CNTLN: variants seen among roughly 807,000 people sequenced by gnomAD.
The protein encoded by CNTLN is centlein, centrosomal protein.
In CNTLN, 212 loss-of-function variants were observed where a neutral mutation model predicts 180.0. The ratio of observed to expected loss-of-function variants is 1.18; its 90% CI spans 1.05 to 1.32. The LOEUF (loss-of-function observed/expected upper bound fraction) is 1.32, where lower values mean the gene tolerates loss of function less well. Among genes scored for constraint, CNTLN ranks in the 40% most tolerant of loss-of-function variants. The pLI, the probability that CNTLN is intolerant of heterozygous loss-of-function variation, is 0.00. For missense variants in CNTLN, 2,095 were observed against 1,610.9 expected, an observed-to-expected ratio of 1.30 and a Z score of -5.14; for synonymous variants, 722 against 563.1, an observed-to-expected ratio of 1.28 and a Z score of -3.99.
At chr9:17,149,217 T>C (rs932179963) in intron 2 of CNTLN, among the ~76,000 whole-genome samples, 2 of 152,210 alleles carry the variant, frequency 1.3e-5, no homozygotes, top group Non-Finnish European at 2.9e-5. Context: ...CAGTCTATCA[T>C]TGATGGACAT....
chr9:17,387,714 A>T (rs188940806), intron 13 of CNTLN, among the ~76,000 whole-genome samples: 1 of 152,222 alleles, frequency 6.6e-6, no homozygotes. Flanking sequence ...GGGTTGTTAC[A>T]ATTTCAATCC....
intron 15 of CNTLN, among the ~76,000 whole-genome samples, chr9:17,403,233 A>T (rs1373505345): frequency 1.3e-5 from 2 of 151,626 alleles, no homozygotes; most frequent in Non-Finnish European, 2.9e-5. Flanking sequence ...TGCCTATTTC[A>T]CAGCTATCTG....
intron 18 of CNTLN, among the ~76,000 whole-genome samples, chr9:17,423,272 A>G (rs78976813): frequency 0.03 from 4,625 of 152,234 alleles, 227 homozygotes; most frequent in African/African-American, 0.11. Flanking sequence ...TCAGCAGGTA[A>G]TGAATCGTGC....
At chr9:17,399,866 A>C (rs1279099790) in intron 15 of CNTLN, among the ~76,000 whole-genome samples, 1 of 152,186 alleles carries the variant, frequency 6.6e-6, no homozygotes, top group Non-Finnish European at 1.5e-5. Flanking sequence ...ATGAACAGCC[A>C]CACTAAGTGT....
downstream of CNTLN, among the ~76,000 whole-genome samples, chr9:17,506,821 T>G (rs1833940869): frequency 6.6e-6 from 1 of 152,132 alleles, no homozygotes. Context: ...GCAGAAGAGT[T>G]GCTATTTTTT....
intron 2 of CNTLN, among the ~76,000 whole-genome samples, chr9:17,200,159 G>A (rs577722850): frequency 1.2e-4 from 18 of 152,216 alleles, no homozygotes; most frequent in African/African-American, 4.3e-4. Context: ...GATGTGTGAT[G>A]TTACTTCTGA....
At chr9:17,474,372 G>A (rs1307130692) in intron 23 of CNTLN, among the ~76,000 whole-genome samples, 1 of 151,786 alleles carries the variant, frequency 6.6e-6, no homozygotes, top group African/African-American at 2.4e-5. Context: ...AATCATCTTC[G>A]GCTCTTCCCT....
chr9:17,189,693 G>C (rs1159496254), intron 2 of CNTLN, among the ~76,000 whole-genome samples: 2 of 151,378 alleles, frequency 1.3e-5, no homozygotes, highest in Non-Finnish European at 2.9e-5. Context: ...CCCTATGTTG[G>C]CCAGGCTGGT....
the CNTLN span, among the ~76,000 whole-genome samples, chr9:17,526,274 C>T: frequency 6.6e-6 from 1 of 151,822 alleles, no homozygotes; most frequent in Admixed American, 6.6e-5. Context: ...CTCAAAATAG[C>T]CAAAATGATT....
At chr9:17,458,092 G>A (rs1032082330) in intron 19 of CNTLN, among the ~76,000 whole-genome samples, 2 of 151,842 alleles carry the variant, frequency 1.3e-5, no homozygotes, top group African/African-American at 4.8e-5. Context: ...AGTTAAACTT[G>A]AGAATGAAAC....
chr9:17,395,391 C>T (rs1311442893), intron 15 of CNTLN, among the ~76,000 whole-genome samples: 1 of 152,102 alleles, frequency 6.6e-6, no homozygotes, highest in Non-Finnish European at 1.5e-5. Context: ...TCTGCTGGCC[C>T]TTTGCATATT....
intron 5 of CNTLN, among the ~76,000 whole-genome samples, chr9:17,268,458 G>C (rs910579853): frequency 1.3e-5 from 2 of 152,166 alleles, no homozygotes; most frequent in Admixed American, 1.3e-4. Context: ...CTACTGGGGG[G>C]TGCCTCCCAG....
intron 13 of CNTLN, among the ~76,000 whole-genome samples, chr9:17,377,584 C>A (rs535000374): frequency 6.6e-6 from 1 of 152,174 alleles, no homozygotes; most frequent in East Asian, 1.9e-4. Context: ...AAACAAAAAA[C>A]AAGCATTTTT....
Position 17,402,011 on chromosome 9 carries a change from T to G in CNTLN, c.2615+6942T>G, listed in dbSNP as rs189175812. Among the ~76,000 whole-genome samples the G allele has an allele frequency of 2.5e-4, 38 of 151,910 alleles. 3 individuals are homozygous for G. The highest frequency in any genetic ancestry group is 2.1e-3 in the Admixed American group (32 of 15,226). On this transcript the variant is annotated intron_variant, in intron 15 of 25. Transcript: ENST00000380647. ...CAGTGCTATGGACAGGAAATATTAA[T>G]GGCTTGAGGAGATGACTCAGTGAAC...
At chr9:17,258,466 C>T (rs996861994) in intron 5 of CNTLN, among the ~76,000 whole-genome samples, 5 of 151,150 alleles carry the variant, frequency 3.3e-5, no homozygotes, top group Admixed American at 2.0e-4. Context: ...TGCGGGCTCT[C>T]TTTTGGTTCC....
Position 17,373,488 on chromosome 9 carries a change from A to T in CNTLN, c.1987+6771A>T, listed in dbSNP as rs114911015. On this transcript the variant is annotated intron_variant, in intron 13 of 25. Transcript: ENST00000380647. ...AGAAATTGAAGGAGACACACAAAAA[A>T]TGGAAAGACATCCCCTTTTAATGGA... Among the ~76,000 whole-genome samples the T allele has an allele frequency of 8.9e-3, 1,351 of 152,270 alleles. 16 individuals are homozygous for T. The highest frequency in any genetic ancestry group is 0.03 in the African/African-American group (1,235 of 41,570).
At position 17,135,071 on chromosome 9, in the gene CNTLN, G is replaced by A. The variant is rs754693851; in HGVS notation, c.6G>A (p.Ala2=). M[A]ARSPPSPHPS... is the part of the protein sequence containing the mutation. ...ACCCGTTAGCAGCCGCAGCCATGGC[G>A]GCGCGTTCGCCTCCCTCACCGCACC... Residue 2 remains alanine (A), a synonymous_variant, in exon 1 of 26, where the codon GCG becomes GCA. Coordinates refer to ENST00000380647, the MANE Select transcript of CNTLN (RefSeq NM_017738.4). 63 of 1,596,764 alleles carry A rather than the reference G, an allele frequency of 3.9e-5. No individual in the cohort carries two copies. The highest frequency in any genetic ancestry group is 4.9e-5 in the Non-Finnish European group (58 of 1,175,870).
chr9:17,267,420 A>T (rs1160105043), intron 5 of CNTLN, among the ~76,000 whole-genome samples: 1 of 152,120 alleles, frequency 6.6e-6, no homozygotes, highest in Non-Finnish European at 1.5e-5. Context: ...TGTTCGTCTG[A>T]TGGGCTTCCC....
chr9:17,155,925 C>T (rs1819251055), intron 2 of CNTLN, among the ~76,000 whole-genome samples: 1 of 152,168 alleles, frequency 6.6e-6, no homozygotes, highest in Non-Finnish European at 1.5e-5. Context: ...GGGACAAGCA[C>T]AGTATCTGTG....
Sources: allele counts gnomAD v4.1 joint callset (sites outside exome capture counted in the v4.1 genomes callset), GRCh38; gene constraint gnomAD v4.1.1; transcripts MANE v1.5; gene names NCBI Gene and HGNC (gene_info 2026-07-23, HGNC 2026-07-21).